The following NBAS variants were observed in gnomAD, a reference collection of about 807,000 sequenced individuals.
NBAS encodes the protein NBAS subunit of NRZ tethering complex.
A neutral mutation model predicts 302.5 loss-of-function variants in NBAS; 219 were observed. The ratio of observed to expected loss-of-function variants is 0.72; its 90% CI spans 0.65 to 0.81. NBAS has a LOEUF of 0.81. Among genes scored for constraint, NBAS ranks in the 30% least tolerant of loss-of-function variants. The pLI, the probability that NBAS is intolerant of heterozygous loss-of-function variation, is 0.00. For synonymous variants in NBAS, 1,118 were observed against 1,021.6 expected, an observed-to-expected ratio of 1.09 and a Z score of -1.80; for missense variants, 2,932 against 2,841.6, an observed-to-expected ratio of 1.03 and a Z score of -0.72.
chr2:15,340,975 A>G (rs1189546155), intron 35 of NBAS, among the ~76,000 whole-genome samples: 1 of 152,112 alleles, frequency 6.6e-6, no homozygotes, highest in East Asian at 1.9e-4. Flanking sequence ...TAATGAGAGA[A>G]AACAAAAAGA....
intron 51 of NBAS, among the ~76,000 whole-genome samples, chr2:15,176,019 A>G (rs1181885034): frequency 2.6e-5 from 4 of 152,246 alleles, no homozygotes; most frequent in African/African-American, 9.6e-5. Flanking sequence ...TACTGTCAAC[A>G]ACCAATAAGG....
the NBAS span, among the ~76,000 whole-genome samples, chr2:14,837,119 T>C: frequency 6.6e-6 from 1 of 151,850 alleles, no homozygotes; most frequent in Admixed American, 6.6e-5. Context: ...GAAAGTCTTA[T>C]TTCCTTATTT....
chr2:14,783,361 G>A, the NBAS span, among the ~76,000 whole-genome samples: 1 of 151,494 alleles, frequency 6.6e-6, no homozygotes, highest in Non-Finnish European at 1.5e-5. Flanking sequence ...GGGTACATGT[G>A]CACAATGTGC....
At chr2:14,972,435 T>C in the NBAS span, among the ~76,000 whole-genome samples, 1 of 151,830 alleles carries the variant, frequency 6.6e-6, no homozygotes, top group African/African-American at 2.4e-5. Flanking sequence ...ATAATAATAA[T>C]AATAATAATA....
the NBAS span, among the ~76,000 whole-genome samples, chr2:14,852,980 C>T: frequency 6.7e-6 from 1 of 149,414 alleles, no homozygotes; most frequent in Admixed American, 6.7e-5. Context: ...TAGAAGAAAA[C>T]CTAGGCATTA....
At chr2:15,310,188 C>T (rs1366723344) in intron 38 of NBAS, among the ~76,000 whole-genome samples, 4 of 152,124 alleles carry the variant, frequency 2.6e-5, no homozygotes, top group Non-Finnish European at 2.9e-5. Flanking sequence ...AGTCTAGGCA[C>T]TGGGGATGGT....
intron 25 of NBAS, among the ~76,000 whole-genome samples, chr2:15,414,305 C>T (rs1396403757): frequency 2.0e-5 from 3 of 152,156 alleles, no homozygotes; most frequent in Admixed American, 6.5e-5. Flanking sequence ...CTAATGAAGG[C>T]CGGTGCAATG....
At chr2:15,470,513 T>C (rs1419443961) in intron 16 of NBAS, among the ~76,000 whole-genome samples, 2 of 152,226 alleles carry the variant, frequency 1.3e-5, no homozygotes, top group African/African-American at 2.4e-5. Flanking sequence ...CATGGAAATA[T>C]AGCAGTGAAT....
the NBAS span, among the ~76,000 whole-genome samples, chr2:14,920,460 A>G: frequency 1.3e-5 from 2 of 152,212 alleles, no homozygotes; most frequent in Non-Finnish European, 2.9e-5. Flanking sequence ...ATTATCCTTT[A>G]ACAGGATAGT....
intron 13 of NBAS, among the ~76,000 whole-genome samples, chr2:15,477,543 C>T (rs546568971): frequency 1.6e-4 from 24 of 152,252 alleles, no homozygotes; most frequent in African/African-American, 4.3e-4. Context: ...AGAGCCACCG[C>T]GCCCGGCATA....
At chr2:15,380,115 T>C (rs1674960975) in intron 29 of NBAS, among the ~76,000 whole-genome samples, 1 of 152,222 alleles carries the variant, frequency 6.6e-6, no homozygotes, top group Non-Finnish European at 1.5e-5. Flanking sequence ...TTTATTACAA[T>C]AAATACTTGG....
chr2:14,859,491 G>A, the NBAS span, among the ~76,000 whole-genome samples: 18 of 151,908 alleles, frequency 1.2e-4, no homozygotes, highest in Non-Finnish European at 2.2e-4. Flanking sequence ...CATTAAAACA[G>A]ACACATGGAT....
chr2:14,838,425 A>G, the NBAS span, among the ~76,000 whole-genome samples: 1 of 151,854 alleles, frequency 6.6e-6, no homozygotes, highest in East Asian at 1.9e-4. Context: ...TTGTTGCAAC[A>G]CTTTTTATAA....
intron 21 of NBAS, among the ~76,000 whole-genome samples, chr2:15,436,169 G>A (rs1472336949): frequency 6.6e-6 from 1 of 152,106 alleles, no homozygotes; most frequent in African/African-American, 2.4e-5. Context: ...GAACTAGAAA[G>A]ACAAGATCAA....
the NBAS span, among the ~76,000 whole-genome samples, chr2:14,854,218 CT>C: frequency 1.3e-5 from 2 of 151,656 alleles, no homozygotes; most frequent in African/African-American, 4.8e-5. Flanking sequence ...AAATACCTAC[CT>C]TGAAAGAGAA....
intron 9 of NBAS, among the ~76,000 whole-genome samples, chr2:15,524,591 G>A (rs1662833920): frequency 6.6e-6 from 1 of 152,090 alleles, no homozygotes; most frequent in East Asian, 1.9e-4. Context: ...TATGGGCCCA[G>A]TTTTTTAGGC....
At chr2:14,844,820 T>C in the NBAS span, among the ~76,000 whole-genome samples, 1 of 151,956 alleles carries the variant, frequency 6.6e-6, no homozygotes, top group African/African-American at 2.4e-5. Context: ...TTCCCTGCCA[T>C]TGGAAAGGGG....
At chr2:15,487,054 T>C (rs1238358776) in intron 12 of NBAS, among the ~76,000 whole-genome samples, 2 of 152,132 alleles carry the variant, frequency 1.3e-5, no homozygotes, top group Admixed American at 1.3e-4. Flanking sequence ...GCTTCAGAAA[T>C]TGATAAATAT....
At chr2:15,428,000 G>C (rs991281259) in intron 21 of NBAS, among the ~76,000 whole-genome samples, 1 of 152,056 alleles carries the variant, frequency 6.6e-6, no homozygotes, top group Non-Finnish European at 1.5e-5. Flanking sequence ...GGCTCAAAAA[G>C]AAAAATTACA....
Sources: allele counts gnomAD v4.1 joint callset (sites outside exome capture counted in the v4.1 genomes callset), GRCh38; gene constraint gnomAD v4.1.1; transcripts MANE v1.5; gene names NCBI Gene and HGNC (gene_info 2026-07-23, HGNC 2026-07-21).